The following DRC11 variants were observed in gnomAD, a reference collection of about 807,000 sequenced individuals.
The protein encoded by DRC11 is IQ and AAA domain-containing protein 1.
chr2:236,393,489 T>C, the DRC11 span, among the ~76,000 whole-genome samples: 1 of 152,012 alleles, frequency 6.6e-6, no homozygotes, highest in Non-Finnish European at 1.5e-5. This position sits in a 1 kb window ranked among gnomAD's most constrained non-coding sequence, Gnocchi z 4.7. Context: ...AAAGTCATAG[T>C]CACAGACAGA....
At chr2:236,491,209 TATACACACA>T in the DRC11 span, among the ~76,000 whole-genome samples, 1 of 46,090 alleles carries the variant, frequency 2.2e-5, no homozygotes, top group Non-Finnish European at 4.2e-5. Flanking sequence ...TATATATATA[TATACACACA>T]GTATATATAT....
At chr2:236,333,133 C>A in the DRC11 span, 499 of 152,262 alleles carry the variant, frequency 3.3e-3, 1 homozygote, top group Non-Finnish European at 5.6e-3. This position sits in a 1 kb window ranked among gnomAD's most constrained non-coding sequence, Gnocchi z 6.0. Context: ...TGCAGCAGCC[C>A]GGCACTTGGT....
chr2:236,432,881 C>A, the DRC11 span, among the ~76,000 whole-genome samples: 2 of 151,824 alleles, frequency 1.3e-5, no homozygotes, highest in Non-Finnish European at 2.9e-5. Context: ...TTCTTCTAGT[C>A]CTTTTGTGTT....
the DRC11 span, among the ~76,000 whole-genome samples, chr2:236,455,909 G>A: frequency 1.3e-5 from 2 of 151,820 alleles, no homozygotes; most frequent in Non-Finnish European, 2.9e-5. This position sits in a 1 kb window ranked among gnomAD's most constrained non-coding sequence, Gnocchi z 5.7. Context: ...TAGTTTGTCT[G>A]CCCTGTTATT....
the DRC11 span, among the ~76,000 whole-genome samples, chr2:236,459,829 C>T: frequency 0.18 from 27,099 of 151,364 alleles, 2,766 homozygotes; most frequent in Middle Eastern, 0.26. Flanking sequence ...TGTTCTACAA[C>T]GAACATTACT....
the DRC11 span, among the ~76,000 whole-genome samples, chr2:236,381,237 G>A: frequency 3.2e-4 from 48 of 152,260 alleles, no homozygotes; most frequent in East Asian, 6.6e-3. This position sits in a 1 kb window ranked among gnomAD's most constrained non-coding sequence, Gnocchi z 5.8. Flanking sequence ...CTTCGAGTCC[G>A]CTGGTGTCTT....
chr2:236,406,749 A>ATT, the DRC11 span, among the ~76,000 whole-genome samples: 6 of 143,680 alleles, frequency 4.2e-5, no homozygotes, highest in African/African-American at 1.5e-4. The surrounding 1 kb of genome is among the most constrained non-coding windows in gnomAD (Gnocchi z 4.7). Context: ...GATCTCCACT[A>ATT]TTTTTTTTTT....
At chr2:236,468,334 C>T in the DRC11 span, among the ~76,000 whole-genome samples, 1 of 152,148 alleles carries the variant, frequency 6.6e-6, no homozygotes, top group Admixed American at 6.5e-5. Context: ...TCAGGCAACT[C>T]GCCTGTCTCT....
chr2:236,504,708 C>T, the DRC11 span, among the ~76,000 whole-genome samples: 1 of 152,104 alleles, frequency 6.6e-6, no homozygotes, highest in East Asian at 1.9e-4. The surrounding 1 kb of genome is among the most constrained non-coding windows in gnomAD (Gnocchi z 5.0). Flanking sequence ...TAAGAGGGAC[C>T]CAGTGGGAGG....
the DRC11 span, among the ~76,000 whole-genome samples, chr2:236,345,273 C>T: frequency 6.6e-6 from 1 of 152,180 alleles, no homozygotes; most frequent in African/African-American, 2.4e-5. Context: ...GCAGCTACAA[C>T]CTGCCCCACC....
the DRC11 span, among the ~76,000 whole-genome samples, chr2:236,469,751 T>C: frequency 3.3e-5 from 5 of 152,250 alleles, no homozygotes; most frequent in Non-Finnish European, 7.3e-5. This position sits in a 1 kb window ranked among gnomAD's most constrained non-coding sequence, Gnocchi z 5.8. Flanking sequence ...GGCTAAAACA[T>C]CTTTTCCTCT....
At chr2:236,475,713 T>C in the DRC11 span, among the ~76,000 whole-genome samples, 1 of 152,192 alleles carries the variant, frequency 6.6e-6, no homozygotes, top group Non-Finnish European at 1.5e-5. This position sits in a 1 kb window ranked among gnomAD's most constrained non-coding sequence, Gnocchi z 4.8. Flanking sequence ...ATTTTTTGTC[T>C]TGTTGATAAT....
the DRC11 span, among the ~76,000 whole-genome samples, chr2:236,471,286 C>CT: frequency 1.4e-5 from 2 of 143,532 alleles, no homozygotes; most frequent in African/African-American, 5.1e-5. The surrounding 1 kb of genome is among the most constrained non-coding windows in gnomAD (Gnocchi z 4.6). Context: ...TTTCCTCTGA[C>CT]TTAAAAAAAA....
the DRC11 span, among the ~76,000 whole-genome samples, chr2:236,421,474 T>G: frequency 9.1e-3 from 1,381 of 152,240 alleles, 19 homozygotes; most frequent in African/African-American, 0.031. Context: ...AATGGATAAA[T>G]TCCTCGATAC....
At chr2:236,402,875 C>T in the DRC11 span, among the ~76,000 whole-genome samples, 7 of 152,082 alleles carry the variant, frequency 4.6e-5, no homozygotes, top group South Asian at 2.1e-4. This position sits in a 1 kb window ranked among gnomAD's most constrained non-coding sequence, Gnocchi z 6.0. Flanking sequence ...AATTCATGAA[C>T]GAAAGAGAAA....
the DRC11 span, among the ~76,000 whole-genome samples, chr2:236,485,789 CCTGTG>C: frequency 6.6e-6 from 1 of 152,174 alleles, no homozygotes; most frequent in Non-Finnish European, 1.5e-5. Flanking sequence ...AGAATGGGCT[CCTGTG>C]GGAGGCAGAG....
chr2:236,363,635 CG>C, the DRC11 span: 5 of 678,618 alleles, frequency 7.4e-6, no homozygotes, highest in South Asian at 9.7e-5. The surrounding 1 kb of genome is among the most constrained non-coding windows in gnomAD (Gnocchi z 5.6). Flanking sequence ...TTTGGCCATA[CG>C]CAATAATGAA....
the DRC11 span, among the ~76,000 whole-genome samples, chr2:236,336,591 ACAC>A: frequency 4.6e-5 from 7 of 151,644 alleles, no homozygotes; most frequent in African/African-American, 1.5e-4. The surrounding 1 kb of genome is among the most constrained non-coding windows in gnomAD (Gnocchi z 7.3). Flanking sequence ...AGAGCCACCC[ACAC>A]CACCATCAAC....
chr2:236,424,009 C>A, the DRC11 span, among the ~76,000 whole-genome samples: 6 of 133,050 alleles, frequency 4.5e-5, no homozygotes, highest in African/African-American at 1.7e-4. Context: ...AATGAGAACA[C>A]ATGGACACAG....
Sources: allele counts gnomAD v4.1 joint callset (sites outside exome capture counted in the v4.1 genomes callset), GRCh38; gene constraint gnomAD v4.1.1; non-coding constraint Gnocchi (gnomAD v3.1); transcripts MANE v1.5; gene names NCBI Gene and HGNC (gene_info 2026-07-23, HGNC 2026-07-21).